The following LYPD1 variants were observed in gnomAD, a reference collection of about 807,000 sequenced individuals.
LYPD1 encodes the protein LY6/PLAUR domain containing 1.
LYPD1 carries 14 observed loss-of-function variants against 14.2 expected under a neutral mutation model. That is an observed-to-expected ratio of 0.99 (90% CI 0.65 to 1.54). The LOEUF is 1.54. Among genes scored for constraint, LYPD1 ranks in the 40% most tolerant of loss-of-function variants. LYPD1 has a pLI of 0.00. For synonymous variants in LYPD1, 85 were observed against 70.6 expected, an observed-to-expected ratio of 1.20 and a Z score of -1.02; for missense variants, 165 against 175.7, an observed-to-expected ratio of 0.94 and a Z score of 0.34.
chr2:132,648,252 T>G (rs1221549399), intron 2 of LYPD1, among the ~76,000 whole-genome samples: 1 of 150,744 alleles, frequency 6.6e-6, no homozygotes, highest in Non-Finnish European at 1.5e-5. Flanking sequence ...TTTCTTTAAG[T>G]GAATTTTTAA....
chr2:132,646,900 C>T (rs1682123301), intron 2 of LYPD1, among the ~76,000 whole-genome samples: 1 of 152,182 alleles, frequency 6.6e-6, no homozygotes. Flanking sequence ...GGACACATGG[C>T]CATCTGCCAA....
rs761843800 is a variant in LYPD1, at chr2:132,645,417, G to A, written c.*628C>T. 15 of 1,613,434 alleles carry A rather than the reference G, an allele frequency of 9.3e-6. No homozygotes were observed. The highest frequency in any genetic ancestry group is 3.3e-5 in the Admixed American group (2 of 60,012). On this transcript the variant is annotated 3_prime_UTR_variant, in exon 3 of 3. Transcript: ENST00000397463. Reference sequence around the variant, plus strand: ...ACAGCGCCCGCTTTGTGCAGCGCCCGTTGCTCTTCGCGTCCCGGCGCCAGT... The same window carrying A: ...ACAGCGCCCGCTTTGTGCAGCGCCCATTGCTCTTCGCGTCCCGGCGCCAGT...
intron 2 of LYPD1, among the ~76,000 whole-genome samples, chr2:132,657,276 G>A (rs947174809): frequency 2.6e-5 from 4 of 152,164 alleles, no homozygotes; most frequent in African/African-American, 4.8e-5. Context: ...AGGTTTCTGC[G>A]CAGTCACTTG....
At chr2:132,652,236 A>C (rs1354671726) in intron 2 of LYPD1, among the ~76,000 whole-genome samples, 1 of 152,198 alleles carries the variant, frequency 6.6e-6, no homozygotes, top group Non-Finnish European at 1.5e-5. Context: ...AATAGAACGT[A>C]AGCTCCAGCA....
At chr2:132,652,692 A>G (rs1682403378) in intron 2 of LYPD1, among the ~76,000 whole-genome samples, 1 of 152,180 alleles carries the variant, frequency 6.6e-6, no homozygotes, top group Non-Finnish European at 1.5e-5. Flanking sequence ...GAGTGTGCCC[A>G]TGGAACACAC....
At chr2:132,670,220 G>A (rs956335557), upstream of LYPD1, 2 of 922,112 alleles carry the variant, frequency 2.2e-6, no homozygotes, top group Non-Finnish European at 2.9e-6. The surrounding 1 kb of genome is among the most constrained non-coding windows in gnomAD (Gnocchi z 4.5). Context: ...ACTGGCGATC[G>A]GGAGCACCCA....
chr2:132,646,078 G>C lies in LYPD1; in HGVS notation c.393C>G (p.Phe131Leu). The C allele has an allele frequency of 1.3e-6, 2 of 1,598,702 alleles. No homozygotes were observed. The highest frequency in any genetic ancestry group is 4.5e-5 in the East Asian group (2 of 44,160). Residue 131 changes from phenylalanine to leucine, a missense_variant, in exon 3 of 3, where the codon TTC (phenylalanine) becomes TTG (leucine). Transcript: ENST00000397463. ...LRPGLRTTIL[F>L]LKLALFSAHC ...GTGCCGAGAAGAGGGCTAATTTGAG[G>C]AACAGGATGGTGGTGCGGAGCCCTG...
At position 132,669,256 on chromosome 2, in the gene LYPD1, G is replaced by A. The variant is rs780401563; in HGVS notation, c.52+625C>T. On this transcript the variant is annotated intron_variant, in intron 1 of 2. Transcript: ENST00000397463. This position sits in a 1 kb window ranked among gnomAD's most constrained non-coding sequence, Gnocchi z 4.3. ...CCAGGCCCCGGCTTTCAGGACAACC[G>A]TTCGACTAGGGTCAGTGGTCGGGGT... Among the ~76,000 whole-genome samples, 14 of 152,276 alleles carry A rather than the reference G, an allele frequency of 9.2e-5. No individual in the cohort carries two copies. The highest frequency in any genetic ancestry group is 3.4e-3 in the Middle Eastern group (1 of 294).
intron 2 of LYPD1, chr2:132,660,549 A>C (rs1682870377): frequency 1.3e-5 from 2 of 152,220 alleles, no homozygotes. Context: ...CACATCTCAT[A>C]GTTCTTTCAT....
intron 2 of LYPD1, among the ~76,000 whole-genome samples, chr2:132,654,377 G>A (rs1200670965): frequency 7.0e-6 from 1 of 142,246 alleles, no homozygotes; most frequent in African/African-American, 2.6e-5. Context: ...CTCCAGCCTC[G>A]TGACAGAGTG....
intron 2 of LYPD1, 78 bp from the exon 3 acceptor site, chr2:132,646,358 C>G (rs777574565): frequency 9.1e-6 from 9 of 984,542 alleles, no homozygotes; most frequent in Non-Finnish European, 1.3e-5. Flanking sequence ...CAAATCCAAA[C>G]GGACAGCTCT....
At chr2:132,662,241 G>C (rs1206956904) in intron 2 of LYPD1, among the ~76,000 whole-genome samples, 1 of 152,224 alleles carries the variant, frequency 6.6e-6, no homozygotes, top group African/African-American at 2.4e-5. Context: ...TGAGCATCAA[G>C]ACAGGTTTCC....
upstream of LYPD1, chr2:132,670,335 C>T: frequency 4.1e-6 from 1 of 245,984 alleles, no homozygotes; most frequent in South Asian, 4.6e-5. This position sits in a 1 kb window ranked among gnomAD's most constrained non-coding sequence, Gnocchi z 4.5. Flanking sequence ...GGTCGCTTCA[C>T]ATCCCCACCC....
intron 2 of LYPD1, among the ~76,000 whole-genome samples, chr2:132,663,766 G>A (rs1363322577): frequency 2.6e-5 from 4 of 152,158 alleles, no homozygotes; most frequent in African/African-American, 9.7e-5. Flanking sequence ...GAGAGGCCTG[G>A]TAGGAGGAGG....
At chr2:132,665,696 AAC>A (rs1170409096) in intron 2 of LYPD1, among the ~76,000 whole-genome samples, 2 of 152,178 alleles carry the variant, frequency 1.3e-5, no homozygotes, top group Non-Finnish European at 2.9e-5. Context: ...CTTCCTCTGT[AAC>A]ACAAAAAGTT....
intron 2 of LYPD1, among the ~76,000 whole-genome samples, chr2:132,658,118 T>C (rs1293886346): frequency 6.6e-6 from 1 of 152,116 alleles, no homozygotes; most frequent in East Asian, 1.9e-4. Flanking sequence ...TGAACCTGAA[T>C]ACAGTGATCA....
rs188718367 is a variant in LYPD1 at position 132,658,936 on chromosome 2, T to G, written c.190+9464A>C. Among the ~76,000 whole-genome samples, 64 of 142,138 alleles carry G rather than the reference T, an allele frequency of 4.5e-4. No homozygotes were observed. The East Asian group carries it at 0.013, about 29-fold the overall frequency. 93.2% of individuals were successfully genotyped at this position (142,138 alleles called of 152,430 possible). On this transcript the variant is annotated intron_variant, in intron 2 of 2. Coordinates refer to ENST00000397463, the MANE Select transcript of LYPD1 (RefSeq NM_144586.7). ...GACCCCAGCTTCCTCAACCACCATA[T>G]AAGCTGGTGTTGTAGAGGTGTGTGT...
chr2:132,646,350 A>AATCCAAACGGACAGCTCTTCCTT, intron 2 of LYPD1, 70 bp from the exon 3 acceptor site: 1 of 1,089,314 alleles, frequency 9.2e-7, no homozygotes, highest in Non-Finnish European at 1.2e-6. Flanking sequence ...TCTCAGCCCA[A>AATCCAAACGGACAGCTCTTCCTT]ATCCAAACGG....
In LYPD1 at chr2:132,646,129, C is replaced by T. The variant is rs1423818826; in HGVS notation, c.342G>A (p.Arg114=). Reference sequence around the variant, plus strand: ...GCCTGAGGGCCGAGGCAGAACTTCCCCTTTTCTTGGGCCTTGGCCCGTTAC... The same window carrying T: ...GCCTGAGGGCCGAGGCAGAACTTCCTCTTTTCTTGGGCCTTGGCCCGTTAC... ...PLCNGPRPKK[R]GSSASALRPG... The change falls in exon 3 of 3, where the codon AGG becomes AGA. Residue 114 remains arginine, a synonymous_variant. Coordinates refer to ENST00000397463, the MANE Select transcript of LYPD1 (RefSeq NM_144586.7). The T allele has an allele frequency of 1.2e-6, 2 of 1,610,532 alleles. No individual in the cohort carries two copies. The highest frequency in any genetic ancestry group is 8.5e-7 in the Non-Finnish European group (1 of 1,178,082).
Sources: gnomAD v4.1 joint callset for allele counts (sites outside exome capture counted in the v4.1 genomes callset) on GRCh38, gnomAD v4.1.1 for gene constraint, Gnocchi (gnomAD v3.1) non-coding constraint, MANE v1.5 for transcripts, NCBI Gene and HGNC (gene_info 2026-07-23, HGNC 2026-07-21) for gene names.